ITPR1: variants seen among roughly 807,000 people sequenced by gnomAD.
ITPR1 encodes inositol 1,4,5-trisphosphate receptor type 1, also known as inositol 1,4,5-trisphosphate-gated calcium channel ITPR1.
A neutral mutation model predicts 318.4 loss-of-function variants in ITPR1; 96 were observed. The ratio of observed to expected loss-of-function variants is 0.30; its 90% confidence interval spans 0.26 to 0.36. The LOEUF is 0.36. Ranked by LOEUF, ITPR1 falls within the 10% of genes least tolerant of loss-of-function variation. The pLI is 1.00. For synonymous variants in ITPR1, 1,312 were observed against 1,289.9 expected, an observed-to-expected ratio of 1.02 and a Z score of -0.37; for missense variants, 2,440 against 3,460.2, an observed-to-expected ratio of 0.71 and a Z score of 7.40.
chr3:4,713,370 A>G (rs1384488335), intron 39 of ITPR1, among the ~76,000 whole-genome samples: 1 of 152,206 alleles, frequency 6.6e-6, no homozygotes, highest in African/African-American at 2.4e-5. Flanking sequence ...TAACCGAGGT[A>G]TTTAAAGTAA....
Position 4,814,581 on chromosome 3 carries a change from G to T in ITPR1, c.7701+19G>T. On this transcript the variant is annotated intron_variant, in intron 58 of 61. Transcript: ENST00000649015. The stretch of plus-strand genomic sequence containing the variant: ...CAAAGAGGTAAATTAATCCCGAGGG[G>T]AAGGAAGGGCAAAGGGGGCGGGTGG... The T allele has an allele frequency of 9.5e-7, 1 of 1,048,264 alleles. No individual in the cohort carries two copies. The allele number at this position is 1,048,264 out of a possible 1,614,324, so 64.9% of individuals were successfully genotyped here.
rs937128510 is a variant in ITPR1 at position 4,670,641 on chromosome 3, T to C, written c.2007-88T>C. The C allele has an allele frequency of 3.0e-6, 3 of 989,132 alleles. No homozygotes were observed. The African/African-American group carries it at 4.8e-5, about 16-fold the overall frequency. The allele number at this position is 989,132 out of a possible 1,614,324, so 61.3% of individuals were successfully genotyped here. ...GGGGAAATACAAAACAAAAAGTGTC[T>C]TTCCATGTGTCTTTATGCTGAAAGT... On this transcript the variant is annotated intron_variant, in intron 19 of 61. Transcript: ENST00000649015.
intron 50 of ITPR1, among the ~76,000 whole-genome samples, chr3:4,783,297 G>A (rs1447892589): frequency 1.3e-5 from 2 of 152,112 alleles, no homozygotes; most frequent in African/African-American, 2.4e-5. Flanking sequence ...TGAGCTTTCG[G>A]TGGGTAGGGG....
At chr3:4,667,846 G>T (rs1343561913) in intron 18 of ITPR1, among the ~76,000 whole-genome samples, 2 of 152,180 alleles carry the variant, frequency 1.3e-5, no homozygotes, top group African/African-American at 4.8e-5. Context: ...CGCAGGTGAC[G>T]TGCAGGCACT....
chr3:4,731,299 G>A (rs2042910934), intron 42 of ITPR1, among the ~76,000 whole-genome samples: 1 of 152,202 alleles, frequency 6.6e-6, no homozygotes, highest in South Asian at 2.1e-4. Flanking sequence ...CTTGTTTCCA[G>A]AATGGGGTAT....
At chr3:4,629,054 A>G (rs2092930440) in intron 5 of ITPR1, among the ~76,000 whole-genome samples, 1 of 132,238 alleles carries the variant, frequency 7.6e-6, no homozygotes, top group Non-Finnish European at 1.5e-5. Flanking sequence ...ACAGTCCAGC[A>G]TGAGGACACC....
intron 46 of ITPR1, among the ~76,000 whole-genome samples, chr3:4,773,717 A>G (rs140350847): frequency 7.3e-4 from 111 of 152,296 alleles, no homozygotes; most frequent in African/African-American, 2.3e-3. Context: ...AACAGGTAGT[A>G]TCTTCCCTGA....
At chr3:4,738,101 C>G (rs575883320) in intron 44 of ITPR1, among the ~76,000 whole-genome samples, 23 of 152,250 alleles carry the variant, frequency 1.5e-4, no homozygotes, top group Admixed American at 3.9e-4. Flanking sequence ...GGAAAAATAA[C>G]TAATGGGTAC....
chr3:4,666,524 G>A (rs945270855), intron 17 of ITPR1, among the ~76,000 whole-genome samples: 17 of 152,192 alleles, frequency 1.1e-4, no homozygotes, highest in African/African-American at 7.2e-5. Context: ...TCTTTGCTTA[G>A]TTGTTTTCGG....
At chr3:4,794,600 C>T (rs969481405) in intron 52 of ITPR1, among the ~76,000 whole-genome samples, 4 of 152,150 alleles carry the variant, frequency 2.6e-5, no homozygotes, top group African/African-American at 9.7e-5. Flanking sequence ...TGGGGCCCAG[C>T]GGGGCTGACT....
chr3:4,800,546 A>T lies in ITPR1; in HGVS notation c.7053A>T (p.Arg2351=), dbSNP rs1214379962. The T allele has an allele frequency of 2.5e-6, 4 of 1,613,868 alleles. No homozygotes were observed. The highest frequency in any genetic ancestry group is 1.7e-5 in the Admixed American group (1 of 59,992). ...CCTTAATTGCCTCCACAATTCTACGACTGATATTTTCAGTCGGGTTACAAC... is the reference window on the plus strand; with the variant it reads ...CCTTAATTGCCTCCACAATTCTACGTCTGATATTTTCAGTCGGGTTACAAC... ...IRALIASTIL[R]LIFSVGLQPT... The change falls in exon 54 of 62, where the codon CGA becomes CGT. Residue 2351 remains arginine (R), a synonymous_variant. Transcript: ENST00000649015.
In ITPR1 at chr3:4,642,120, C is replaced by T. The variant is rs1210003567; in HGVS notation, c.394C>T (p.Leu132=). Reference sequence around the variant, plus strand: ...CCTGCATTTGAAAAGTAATAAATACCTAACAGTGAATAAGAGGCTTCCTGC... The same window carrying T: ...CCTGCATTTGAAAAGTAATAAATACTTAACAGTGAATAAGAGGCTTCCTGC... ...QLLHLKSNKY[L]TVNKRLPALL... Residue 132 remains leucine (L), a synonymous_variant, in exon 7 of 62, where the codon CTA becomes TTA. Coordinates refer to ENST00000649015, the MANE Select transcript of ITPR1 (RefSeq NM_001378452.1). 6.2e-7 allele frequency: 1 copy of T among 1,607,062 alleles called. No individual in the cohort carries two copies. Among genetic ancestry groups the T allele is most frequent in the Non-Finnish European group, 8.5e-7 (1 of 1,176,602 alleles).
chr3:4,688,721 T>C, intron 31 of ITPR1, 101 bp downstream of exon 31: 1 of 1,134,058 alleles, frequency 8.8e-7, no homozygotes, highest in East Asian at 2.5e-5. Context: ...CTGGGGCTTG[T>C]TATAATGCAA....
chr3:4,512,523 C>T (rs1330452241), intron 2 of ITPR1, among the ~76,000 whole-genome samples: 1 of 152,138 alleles, frequency 6.6e-6, no homozygotes, highest in Non-Finnish European at 1.5e-5. Flanking sequence ...GATAAATTAT[C>T]TTCCCTGAAG....
intron 4 of ITPR1, among the ~76,000 whole-genome samples, chr3:4,577,710 C>A (rs577113785): frequency 2.6e-5 from 4 of 152,324 alleles, no homozygotes; most frequent in African/African-American, 9.6e-5. Context: ...TCTGTAACCT[C>A]TAATTCTTTT....
At chr3:4,709,348 C>CA (rs1374525801) in intron 37 of ITPR1, among the ~76,000 whole-genome samples, 1 of 152,182 alleles carries the variant, frequency 6.6e-6, no homozygotes. Context: ...ATTCATCACC[C>CA]AAATTGTGTT....
intron 60 of ITPR1, chr3:4,825,974 C>T (rs1191933830): frequency 1.7e-5 from 6 of 360,330 alleles, no homozygotes; most frequent in South Asian, 1.0e-4. Context: ...CATCATGGGG[C>T]GTCTCACTTT....
At chr3:4,597,902 A>C (rs1483229841) in intron 4 of ITPR1, among the ~76,000 whole-genome samples, 1 of 152,180 alleles carries the variant, frequency 6.6e-6, no homozygotes, top group Admixed American at 6.5e-5. Context: ...TGGTTTTGCA[A>C]ACATCTGTGG....
At chr3:4,578,887 C>G (rs939923954) in intron 4 of ITPR1, among the ~76,000 whole-genome samples, 1 of 152,164 alleles carries the variant, frequency 6.6e-6, no homozygotes, top group African/African-American at 2.4e-5. Flanking sequence ...GTGAGCTTCA[C>G]GTTGTCATTG....
Sources: allele counts gnomAD v4.1 joint callset (sites outside exome capture counted in the v4.1 genomes callset), GRCh38; gene constraint gnomAD v4.1.1; transcripts MANE v1.5; gene names NCBI Gene and HGNC (gene_info 2026-07-23, HGNC 2026-07-21).